Variants in WDPCP observed in about 807,000 individuals in gnomAD.
WDPCP encodes the protein WD repeat containing planar cell polarity effector.
A neutral mutation model predicts 93.1 loss-of-function variants in WDPCP; 71 were observed. That is an observed-to-expected ratio of 0.76 (90% CI 0.63 to 0.93). The LOEUF (loss-of-function observed/expected upper bound fraction) is 0.93. WDPCP is among the 40% of genes least tolerant of loss of function. The pLI is 0.00. For synonymous variants in WDPCP, 315 were observed against 315.0 expected (o/e 1.00, Z 0.00); for missense variants, 844 against 887.4 (o/e 0.95, Z 0.62).
At chr2:63,796,212 C>T (rs1326759199) in intron 2 of WDPCP, among the ~76,000 whole-genome samples, 2 of 152,124 alleles carry the variant, frequency 1.3e-5, no homozygotes, top group Admixed American at 6.5e-5. Flanking sequence ...ATACTAAGTA[C>T]GAAGCTGACA....
chr2:63,617,475 G>A (rs963462795), intron 3 of WDPCP, among the ~76,000 whole-genome samples: 5 of 152,142 alleles, frequency 3.3e-5, no homozygotes, highest in Non-Finnish European at 5.9e-5. Context: ...GTACACATAG[G>A]AGTCCCACAG....
At chr2:63,210,804 T>C (rs1049916495) in intron 14 of WDPCP, among the ~76,000 whole-genome samples, 12 of 152,296 alleles carry the variant, frequency 7.9e-5, no homozygotes, top group African/African-American at 2.6e-4. Flanking sequence ...CACCAGGAGA[T>C]TATATTCCAT....
chr2:63,331,191 G>C (rs1687952593), intron 12 of WDPCP, among the ~76,000 whole-genome samples: 1 of 152,084 alleles, frequency 6.6e-6, no homozygotes, highest in African/African-American at 2.4e-5. Context: ...TTTAAAGCCA[G>C]ATTTGACACC....
At chr2:63,338,425 G>A (rs936621255) in intron 12 of WDPCP, among the ~76,000 whole-genome samples, 4 of 151,340 alleles carry the variant, frequency 2.6e-5, no homozygotes, top group Non-Finnish European at 5.9e-5. Context: ...GGTGACGGGT[G>A]TGTGTAATTC....
At chr2:63,772,000 A>G (rs1670233923) in intron 2 of WDPCP, among the ~76,000 whole-genome samples, 1 of 152,044 alleles carries the variant, frequency 6.6e-6, no homozygotes, top group Admixed American at 6.6e-5. Flanking sequence ...TAGTGCTGCG[A>G]TGAACATATG....
intron 13 of WDPCP, among the ~76,000 whole-genome samples, chr2:63,284,260 A>T (rs533637302): frequency 6.6e-6 from 1 of 152,330 alleles, no homozygotes; most frequent in East Asian, 1.9e-4. Flanking sequence ...GATGGTTATA[A>T]CTTAAACATG....
chr2:63,186,670 G>A (rs972340277), intron 14 of WDPCP, among the ~76,000 whole-genome samples: 5 of 152,164 alleles, frequency 3.3e-5, no homozygotes, highest in Admixed American at 1.3e-4. Context: ...CTACCATATC[G>A]GGGACTTCAC....
At chr2:63,247,658 T>A (rs11125954) in intron 14 of WDPCP, among the ~76,000 whole-genome samples, 8 of 146,364 alleles carry the variant, frequency 5.5e-5, no homozygotes, top group Admixed American at 6.8e-5. Flanking sequence ...TATGTACCTG[T>A]AAATATTCCA....
chr2:63,790,294 C>T (rs745399778), intron 2 of WDPCP, among the ~76,000 whole-genome samples: 1 of 152,214 alleles, frequency 6.6e-6, no homozygotes, highest in Non-Finnish European at 1.5e-5. Context: ...TAAATTCACA[C>T]AGTTGATGCT....
intron 3 of WDPCP, among the ~76,000 whole-genome samples, chr2:63,617,661 G>A (rs1709687200): frequency 6.6e-6 from 1 of 152,096 alleles, no homozygotes; most frequent in African/African-American, 2.4e-5. Context: ...GAGTCTCTCA[G>A]GTGATAAAAG....
At chr2:63,825,862 C>G (rs1171717480) in intron 1 of WDPCP, among the ~76,000 whole-genome samples, 1 of 152,042 alleles carries the variant, frequency 6.6e-6, no homozygotes, top group East Asian at 1.9e-4. Context: ...AGCAATCTTA[C>G]CAAATATCCA....
At chr2:63,270,336 G>C (rs1271153030) in intron 13 of WDPCP, among the ~76,000 whole-genome samples, 3 of 152,036 alleles carry the variant, frequency 2.0e-5, no homozygotes, top group African/African-American at 7.2e-5. Flanking sequence ...TGTAGAACTC[G>C]TAAATAAAAC....
At chr2:63,325,376 C>G (rs1189637430) in intron 12 of WDPCP, among the ~76,000 whole-genome samples, 1 of 152,214 alleles carries the variant, frequency 6.6e-6, no homozygotes, top group Non-Finnish European at 1.5e-5. Context: ...CAATGGTTCT[C>G]TGGGCCAGAA....
intron 3 of WDPCP, chr2:63,597,156 C>A: frequency 7.1e-6 from 3 of 423,036 alleles, no homozygotes; most frequent in South Asian, 1.0e-4. Flanking sequence ...AAGATAAAAG[C>A]TATGGAGTTT....
At chr2:63,561,840 G>A (rs957112357) in intron 1 of WDPCP, among the ~76,000 whole-genome samples, 1 of 152,214 alleles carries the variant, frequency 6.6e-6, no homozygotes, top group Non-Finnish European at 1.5e-5. Context: ...TTGCCAGTCA[G>A]AATGGCAGTA....
At chr2:63,757,751 T>C (rs189279425) in intron 2 of WDPCP, among the ~76,000 whole-genome samples, 1 of 152,298 alleles carries the variant, frequency 6.6e-6, no homozygotes. Context: ...GGAAATGATA[T>C]GTGTCACTTT....
At chr2:63,820,212 T>C (rs1363274776) in intron 1 of WDPCP, among the ~76,000 whole-genome samples, 2 of 152,184 alleles carry the variant, frequency 1.3e-5, no homozygotes, top group Non-Finnish European at 2.9e-5. Context: ...ATGAACAGGT[T>C]TGTCAGGAAA....
At chr2:63,659,596 A>C (rs1415176703) in intron 2 of WDPCP, among the ~76,000 whole-genome samples, 1 of 152,196 alleles carries the variant, frequency 6.6e-6, no homozygotes, top group Admixed American at 6.5e-5. Context: ...AGCTGGAAGA[A>C]GCAAGCTATG....
In WDPCP at chr2:63,138,445, G is replaced by A. The variant is rs1328107151; in HGVS notation, c.2190+14469C>T. Among the ~76,000 whole-genome samples, 3 of 150,848 alleles carry A rather than the reference G, an allele frequency of 2.0e-5. No homozygotes were observed. The South Asian group carries it at 6.3e-4, about 31-fold the overall frequency. ...GGGTACAGGTGGTATTTGGTTACAT[G>A]AGTAAGTTCTTTTTTTTTTTTTTTT... is the stretch of plus-strand genomic sequence containing the variant. On this transcript the variant is annotated intron_variant, in intron 17 of 17. Coordinates refer to ENST00000272321, the MANE Select transcript of WDPCP (RefSeq NM_015910.7).
Sources: gnomAD v4.1 joint callset for allele counts (sites outside exome capture counted in the v4.1 genomes callset) on GRCh38, gnomAD v4.1.1 for gene constraint, MANE v1.5 for transcripts, NCBI Gene and HGNC (gene_info 2026-07-23, HGNC 2026-07-21) for gene names.